Variants in PACRG observed in about 807,000 individuals in gnomAD.
PACRG encodes the protein parkin coregulated gene protein.
PACRG carries 29 observed loss-of-function variants against 29.7 expected under a neutral mutation model. The observed-to-expected ratio is 0.98, with a 90% CI of 0.73 to 1.33. The LOEUF is 1.33. Among genes scored for constraint, PACRG ranks in the 40% most tolerant of loss-of-function variants. The probability of loss-of-function intolerance (pLI) is 0.00; values close to 1 mark genes in which losing one functional copy is unlikely to be tolerated. For synonymous variants in PACRG, 116 were observed against 118.7 expected, an observed-to-expected ratio of 0.98 and a Z score of 0.15; for missense variants, 279 against 316.2, an observed-to-expected ratio of 0.88 and a Z score of 0.89.
chr6:163,247,642 A>G (rs1018579143), intron 4 of PACRG, among the ~76,000 whole-genome samples: 127 of 152,232 alleles, frequency 8.3e-4, no homozygotes, highest in African/African-American at 2.8e-3. Flanking sequence ...GCACTCCTGG[A>G]AAGTCTTCAG....
rs558813994 is a variant in PACRG at position 162,775,565 on chromosome 6, TAATA to T, written c.157-38577_157-38574del. Among the ~76,000 whole-genome samples, 9 of 152,360 alleles carry T rather than the reference TAATA, an allele frequency of 5.9e-5. No individual in the cohort carries two copies. In the South Asian group the frequency reaches 1.9e-3, roughly 32 times the overall value. On this transcript the variant is annotated intron_variant, in intron 1 of 4. Coordinates refer to ENST00000366888, the MANE Select transcript of PACRG (RefSeq NM_001080379.2). ...TTATGTAATTTGTCTGAAATGCTTA[TAATA>T]AATAGCATAAGAGAGATTTAACCAT...
At chr6:162,974,464 G>A (rs1023607058) in intron 2 of PACRG, among the ~76,000 whole-genome samples, 1 of 152,082 alleles carries the variant, frequency 6.6e-6, no homozygotes, top group East Asian at 1.9e-4. Context: ...TTTCTTTATA[G>A]TACTTTAAGA....
intron 1 of PACRG, among the ~76,000 whole-genome samples, chr6:162,787,580 G>GTATATA (rs746185048): frequency 5.3e-4 from 37 of 69,160 alleles, no homozygotes; most frequent in African/African-American, 1.7e-3. Flanking sequence ...GTGTGTGTGT[G>GTATATA]TGTATATATA....
intron 2 of PACRG, among the ~76,000 whole-genome samples, chr6:163,031,628 C>T (rs1469181978): frequency 6.6e-6 from 1 of 152,146 alleles, no homozygotes; most frequent in Non-Finnish European, 1.5e-5. Context: ...TAAAGTACAA[C>T]AAGGAAAATT....
intron 4 of PACRG, among the ~76,000 whole-genome samples, chr6:163,289,334 G>C (rs777794381): frequency 1.3e-5 from 2 of 152,010 alleles, no homozygotes; most frequent in Admixed American, 1.3e-4. Flanking sequence ...TTCACGATGC[G>C]GTTCCTTTTC....
At chr6:162,808,502 G>T (rs1157915552) in intron 1 of PACRG, among the ~76,000 whole-genome samples, 1 of 152,100 alleles carries the variant, frequency 6.6e-6, no homozygotes, top group Non-Finnish European at 1.5e-5. Context: ...ATATGATGAA[G>T]ACTTCAAGAG....
chr6:163,124,223 T>A (rs1356291218), intron 4 of PACRG, among the ~76,000 whole-genome samples: 1 of 152,224 alleles, frequency 6.6e-6, no homozygotes, highest in East Asian at 1.9e-4. Context: ...TTTGCAAATA[T>A]GTTCTCCCAT....
At chr6:163,024,295 TA>T (rs1007153707) in intron 2 of PACRG, among the ~76,000 whole-genome samples, 1 of 152,224 alleles carries the variant, frequency 6.6e-6, no homozygotes, top group African/African-American at 2.4e-5. Context: ...AGCATATGAC[TA>T]GCCGGTTATC....
intron 2 of PACRG, among the ~76,000 whole-genome samples, chr6:162,831,773 C>A (rs2128394566): frequency 6.6e-6 from 1 of 152,256 alleles, no homozygotes; most frequent in Middle Eastern, 3.4e-3. Flanking sequence ...GTTTTCTGTT[C>A]CTGAGTTAGT....
At chr6:163,120,446 C>T (rs1816214973) in intron 4 of PACRG, among the ~76,000 whole-genome samples, 1 of 152,144 alleles carries the variant, frequency 6.6e-6, no homozygotes, top group Non-Finnish European at 1.5e-5. Flanking sequence ...CATTTTAGCT[C>T]CCAAAGGATC....
At chr6:163,256,085 G>A (rs1021309239) in intron 4 of PACRG, among the ~76,000 whole-genome samples, 2 of 152,132 alleles carry the variant, frequency 1.3e-5, no homozygotes, top group African/African-American at 2.4e-5. Context: ...TCTACGTTCT[G>A]CTAATTTTTC....
intron 1 of PACRG, among the ~76,000 whole-genome samples, chr6:162,774,464 A>G (rs1369599810): frequency 6.6e-6 from 1 of 152,248 alleles, no homozygotes; most frequent in Non-Finnish European, 1.5e-5. Flanking sequence ...CTACGTAGTT[A>G]TGGAATTGCT....
chr6:163,098,077 A>C (rs1814762655), intron 4 of PACRG, among the ~76,000 whole-genome samples: 1 of 152,192 alleles, frequency 6.6e-6, no homozygotes, highest in African/African-American at 2.4e-5. Context: ...CTGGAAAGTA[A>C]GCCACGTTAT....
At chr6:162,871,459 T>A (rs73603895) in intron 2 of PACRG, among the ~76,000 whole-genome samples, 1 of 152,344 alleles carries the variant, frequency 6.6e-6, no homozygotes, top group African/African-American at 2.4e-5. Context: ...TAATTTAAGA[T>A]CTGCCATAGT....
intron 4 of PACRG, among the ~76,000 whole-genome samples, chr6:163,126,699 G>T (rs1437809290): frequency 6.6e-6 from 1 of 152,164 alleles, no homozygotes; most frequent in East Asian, 1.9e-4. Flanking sequence ...TATTAAGAGT[G>T]AATATATTTA....
intron 2 of PACRG, among the ~76,000 whole-genome samples, chr6:162,979,392 C>A (rs544025856): frequency 6.6e-6 from 1 of 152,196 alleles, no homozygotes; most frequent in South Asian, 2.1e-4. Flanking sequence ...TCTTGCACTG[C>A]GTTGAGTTCA....
chr6:163,108,167 G>C (rs1238055372), intron 4 of PACRG, among the ~76,000 whole-genome samples: 1 of 152,068 alleles, frequency 6.6e-6, no homozygotes, highest in Non-Finnish European at 1.5e-5. Flanking sequence ...CACTGGGGTA[G>C]ATTTCCTTCT....
At chr6:163,122,045 C>A (rs150076768) in intron 4 of PACRG, among the ~76,000 whole-genome samples, 1 of 151,960 alleles carries the variant, frequency 6.6e-6, no homozygotes, top group Admixed American at 6.6e-5. Flanking sequence ...GAAAAGAGGG[C>A]GCCTTATTAA....
At chr6:163,236,363 T>C (rs1782237934) in intron 4 of PACRG, among the ~76,000 whole-genome samples, 1 of 152,256 alleles carries the variant, frequency 6.6e-6, no homozygotes, top group African/African-American at 2.4e-5. Flanking sequence ...TGTATACTTA[T>C]GCTTTGCTAG....
Sources: allele counts gnomAD v4.1 joint callset (sites outside exome capture counted in the v4.1 genomes callset), GRCh38; gene constraint gnomAD v4.1.1; transcripts MANE v1.5; gene names NCBI Gene and HGNC (gene_info 2026-07-23, HGNC 2026-07-21).